AGTPBP1: variants seen among roughly 807,000 people sequenced by gnomAD.
AGTPBP1 encodes the protein ATP/GTP binding carboxypeptidase 1, also known as cytosolic carboxypeptidase 1.
A neutral mutation model predicts 143.9 loss-of-function variants in AGTPBP1; 70 were observed. The observed-to-expected ratio is 0.49, with a 90% CI of 0.40 to 0.59. AGTPBP1 has a LOEUF of 0.59. Ranked by LOEUF, AGTPBP1 falls within the 20% of genes least tolerant of loss-of-function variation. The pLI, the probability that AGTPBP1 is intolerant of heterozygous loss-of-function variation, is 0.00. For missense variants in AGTPBP1, 1,229 were observed against 1,464.5 expected (o/e 0.84, Z 2.62); for synonymous variants, 463 against 500.2 (o/e 0.93, Z 0.99).
chr9:85,756,676 G>A, the AGTPBP1 span, among the ~76,000 whole-genome samples: 8,486 of 152,220 alleles, frequency 0.056, 331 homozygotes, highest in African/African-American at 0.11. Context: ...AGTATTCATA[G>A]TAGCTAGAAA....
At chr9:85,748,883 C>T in the AGTPBP1 span, among the ~76,000 whole-genome samples, 1 of 152,018 alleles carries the variant, frequency 6.6e-6, no homozygotes, top group Non-Finnish European at 1.5e-5. Flanking sequence ...CAAGACATAG[C>T]ACTCTTTAAA....
At chr9:85,552,206 T>A (rs1826075107) in intron 25 of AGTPBP1, among the ~76,000 whole-genome samples, 1 of 152,246 alleles carries the variant, frequency 6.6e-6, no homozygotes, top group South Asian at 2.1e-4. Flanking sequence ...ACAGGATGAA[T>A]GCATTGAAAT....
intron 25 of AGTPBP1, among the ~76,000 whole-genome samples, chr9:85,551,743 T>A (rs1343378464): frequency 6.6e-6 from 1 of 152,232 alleles, no homozygotes; most frequent in African/African-American, 2.4e-5. Context: ...CACTTTACAA[T>A]GTAGGAAATG....
intron 13 of AGTPBP1, among the ~76,000 whole-genome samples, chr9:85,636,379 T>C (rs1442545358): frequency 1.3e-5 from 2 of 151,540 alleles, no homozygotes; most frequent in Admixed American, 6.6e-5. Context: ...CTCTCTGCCT[T>C]AGCTTCCCGA....
chr9:85,634,964 T>A (rs1323253729), intron 13 of AGTPBP1, among the ~76,000 whole-genome samples: 5 of 152,116 alleles, frequency 3.3e-5, no homozygotes, highest in South Asian at 2.1e-4. Flanking sequence ...TAAAAAAAAA[T>A]TTCTAATGTG....
chr9:85,632,957 T>C lies in AGTPBP1; in HGVS notation c.1720A>G (p.Met574Val). ...VLTCAKACPH[M>V]ATCGNVLFEG... ...AACAGAACATTTCCACAAGTAGCCA[T>C]GTGTGGACATGCTTTAGCACAGGTA... is the stretch of plus-strand genomic sequence containing the variant. The change falls in exon 14 of 26, where the codon ATG becomes GTG. Residue 574 changes from methionine (M) to valine (V), a missense_variant. By Grantham distance (21) the Met-to-Val change is conservative (BLOSUM62 1). Coordinates refer to ENST00000357081, the MANE Select transcript of AGTPBP1 (RefSeq NM_001330701.2). The C allele has an allele frequency of 6.2e-7, 1 of 1,614,110 alleles. No homozygotes were observed. The highest frequency in any genetic ancestry group is 8.5e-7 in the Non-Finnish European group (1 of 1,180,018).
At chr9:85,758,137 C>T in the AGTPBP1 span, among the ~76,000 whole-genome samples, 1 of 152,082 alleles carries the variant, frequency 6.6e-6, no homozygotes, top group African/African-American at 2.4e-5. Context: ...CTTTTCGATA[C>T]CTGACTCTGA....
rs1220540307 is a variant in AGTPBP1, at chr9:85,621,250, T to C, written c.2051A>G (p.His684Arg). 1 of 1,453,502 alleles carries C rather than the reference T, an allele frequency of 6.9e-7. No homozygotes were observed. Among genetic ancestry groups the C allele is most frequent in the Middle Eastern group, 1.8e-4 (1 of 5,526 alleles). The allele number at this position is 1,453,502 out of a possible 1,614,324, so 90.0% of individuals were successfully genotyped here. ...KIAQDIERLI[H>R]QSDIIDRVVY... ...CACACGATCTATGATATCACTCTGA[T>C]GTATTAGCCTTTCAATATCTTGAGC... is the stretch of plus-strand genomic sequence containing the variant. Residue 684 changes from histidine to arginine, a missense_variant, in exon 15 of 26, where the codon CAT becomes CGT. This residue lies in a region of AGTPBP1 where 743 missense variants were observed against 812.2 expected (regional missense o/e 0.91). Transcript: ENST00000357081.
the AGTPBP1 span, chr9:85,753,220 A>C: frequency 1.3e-6 from 2 of 1,532,022 alleles, no homozygotes; most frequent in East Asian, 4.8e-5. Context: ...TGTCTCCAAA[A>C]AAAGAAAGAA....
chr9:85,619,078 T>C lies in AGTPBP1; in HGVS notation c.2240A>G (p.Gln747Arg). Residue 747 changes from glutamine (Q) to arginine (R), a missense_variant, in exon 17 of 26, where the codon CAG (glutamine) becomes CGG (arginine). By Grantham distance (43) the Gln-to-Arg change is conservative. Coordinates refer to ENST00000357081, the MANE Select transcript of AGTPBP1 (RefSeq NM_001330701.2). ...NSDINSNHYHQWFYFEVSGMR... is the reference protein window; with the variant it reads ...NSDINSNHYHRWFYFEVSGMR... ...TCCACTGACTTCAAAGTAAAACCAC[T>C]GATGATAATGATTGCTGTTTATGTC... 1 of 1,613,754 alleles carries C rather than the reference T, an allele frequency of 6.2e-7. No individual in the cohort carries two copies. Among genetic ancestry groups the C allele is most frequent in the Non-Finnish European group, 8.5e-7 (1 of 1,179,800 alleles).
At chr9:85,667,928 C>T (rs911906929) in intron 8 of AGTPBP1, among the ~76,000 whole-genome samples, 2 of 143,874 alleles carry the variant, frequency 1.4e-5, no homozygotes, top group African/African-American at 5.1e-5. Flanking sequence ...AAAAGCATTT[C>T]CTAATCAGAA....
chr9:85,620,553 G>A (rs572397829), intron 15 of AGTPBP1, among the ~76,000 whole-genome samples: 1 of 152,192 alleles, frequency 6.6e-6, no homozygotes, highest in South Asian at 2.1e-4. Context: ...CATATGAGAA[G>A]GCAGATGACT....
intron 25 of AGTPBP1, among the ~76,000 whole-genome samples, chr9:85,573,321 G>C (rs969555154): frequency 1.3e-5 from 2 of 152,326 alleles, no homozygotes; most frequent in East Asian, 1.9e-4. Flanking sequence ...GGCCGGGCTG[G>C]TCTCCAGCTC....
At chr9:85,756,407 A>G in the AGTPBP1 span, among the ~76,000 whole-genome samples, 5 of 142,544 alleles carry the variant, frequency 3.5e-5, no homozygotes, top group African/African-American at 1.3e-4. Flanking sequence ...AAATGGTGCA[A>G]TCGCTTTGGA....
intron 8 of AGTPBP1, among the ~76,000 whole-genome samples, chr9:85,661,336 G>A (rs566714219): frequency 6.4e-4 from 98 of 152,072 alleles, no homozygotes; most frequent in African/African-American, 2.3e-3. Context: ...ATCATACGCC[G>A]TGACTTGCAA....
chr9:85,665,467 T>C (rs1834077205), intron 8 of AGTPBP1, among the ~76,000 whole-genome samples: 1 of 152,194 alleles, frequency 6.6e-6, no homozygotes, highest in Non-Finnish European at 1.5e-5. Flanking sequence ...TAAATTTCTG[T>C]TGTTTTGAGC....
intron 2 of AGTPBP1, among the ~76,000 whole-genome samples, chr9:85,705,482 G>A (rs538646333): frequency 1.3e-5 from 2 of 152,100 alleles, no homozygotes; most frequent in Admixed American, 6.5e-5. Flanking sequence ...TTCCAGACCA[G>A]CCTGGGCAAC....
intron 15 of AGTPBP1, among the ~76,000 whole-genome samples, chr9:85,620,099 A>G (rs1411460327): frequency 6.6e-6 from 1 of 152,158 alleles, no homozygotes; most frequent in Non-Finnish European, 1.5e-5. Flanking sequence ...CTTATCTAAC[A>G]AAACTTTAAA....
intron 17 of AGTPBP1, among the ~76,000 whole-genome samples, chr9:85,599,154 C>CAG (rs1337255343): frequency 2.7e-5 from 4 of 146,354 alleles, no homozygotes; most frequent in Non-Finnish European, 4.5e-5. Context: ...CACACACACA[C>CAG]AGTAGGGAGC....
Sources: gnomAD v4.1 joint callset for allele counts (sites outside exome capture counted in the v4.1 genomes callset) on GRCh38, gnomAD v4.1.1 for gene constraint, gnomAD v4.1.1 regional missense constraint, MANE v1.5 for transcripts, NCBI Gene and HGNC (gene_info 2026-07-23, HGNC 2026-07-21) for gene names.